Variants in PTK2 observed in about 807,000 individuals in gnomAD.
PTK2 encodes protein tyrosine kinase 2.
Under a neutral mutation model 150.1 loss-of-function variants are expected in PTK2, and 45 were observed. The ratio of observed to expected loss-of-function variants is 0.30; its 90% CI spans 0.24 to 0.38. The LOEUF (loss-of-function observed/expected upper bound fraction) is 0.38, where lower values mean the gene tolerates loss of function less well. PTK2 is among the 10% of genes least tolerant of loss of function. PTK2 has a pLI of 1.00. For missense variants in PTK2, 919 were observed against 1,307.3 expected, an observed-to-expected ratio of 0.70 and a Z score of 4.58; for synonymous variants, 432 against 449.2, an observed-to-expected ratio of 0.96 and a Z score of 0.48.
chr8:140,666,866 C>G (rs2092335842), intron 30 of PTK2, among the ~76,000 whole-genome samples: 1 of 152,186 alleles, frequency 6.6e-6, no homozygotes, highest in African/African-American at 2.4e-5. Flanking sequence ...GGAAGCAACC[C>G]AAGTACCCTG....
intron 3 of PTK2, among the ~76,000 whole-genome samples, chr8:140,880,697 G>A (rs1198327139): frequency 6.6e-6 from 1 of 152,148 alleles, no homozygotes; most frequent in Non-Finnish European, 1.5e-5. Flanking sequence ...ATCAAGTATT[G>A]CTTTATTACA....
chr8:140,799,350 G>C (rs1019839349), intron 12 of PTK2: 5 of 152,226 alleles, frequency 3.3e-5, no homozygotes, highest in African/African-American at 7.2e-5. Flanking sequence ...CCTCATCGCT[G>C]TTTAATACAA....
At chr8:140,726,239 GACA>G (rs1233567366) in intron 22 of PTK2, among the ~76,000 whole-genome samples, 1 of 152,032 alleles carries the variant, frequency 6.6e-6, no homozygotes, top group East Asian at 1.9e-4. Flanking sequence ...AAGAGAAGGT[GACA>G]ACGAGAGCTT....
chr8:140,681,574 G>A (rs902982127), intron 27 of PTK2, among the ~76,000 whole-genome samples: 5 of 151,860 alleles, frequency 3.3e-5, no homozygotes, highest in African/African-American at 7.3e-5. Flanking sequence ...TCAGGAGATC[G>A]AGACCATCCC....
chr8:140,951,007 C>T (rs892259053), intron 1 of PTK2, among the ~76,000 whole-genome samples: 3 of 151,904 alleles, frequency 2.0e-5, no homozygotes, highest in Admixed American at 6.6e-5. Context: ...CTCCCAGAAC[C>T]TCAGAGTCCA....
intron 1 of PTK2, among the ~76,000 whole-genome samples, chr8:140,957,907 G>A (rs534727020): frequency 1.3e-4 from 20 of 152,184 alleles, no homozygotes; most frequent in Admixed American, 8.5e-4. Context: ...ATTTCCTGTC[G>A]TTAAGCAACT....
intron 1 of PTK2, among the ~76,000 whole-genome samples, chr8:140,987,542 TAAG>T (rs967514036): frequency 1.9e-4 from 29 of 152,178 alleles, no homozygotes; most frequent in Non-Finnish European, 3.7e-4. Flanking sequence ...AATAACCATA[TAAG>T]AAGATGCTCA....
intron 28 of PTK2, among the ~76,000 whole-genome samples, chr8:140,674,694 G>A (rs552739137): frequency 1.1e-4 from 16 of 149,462 alleles, no homozygotes; most frequent in African/African-American, 2.5e-4. Context: ...AGTTGAGATC[G>A]TGCCATTGCA....
Position 140,697,145 on chromosome 8 carries a change from A to G in PTK2, c.2499+3746T>C, listed in dbSNP as rs868468172. On this transcript the variant is annotated intron_variant, in intron 26 of 31. Transcript: ENST00000522684. ...TGAGACCCTGTTTCCGGGAAAAAAAAAAAAAAAAAAAAAAAAAGGAAAGGT... is the reference window on the plus strand; with the variant it reads ...TGAGACCCTGTTTCCGGGAAAAAAAGAAAAAAAAAAAAAAAAAGGAAAGGT... Among the ~76,000 whole-genome samples the G allele has an allele frequency of 1.8e-3, 275 of 148,714 alleles. 3 individuals carry two copies. The highest frequency in any genetic ancestry group is 6.6e-3 in the African/African-American group (270 of 40,826).
chr8:140,769,358 T>C (rs896742580), intron 14 of PTK2, among the ~76,000 whole-genome samples: 17 of 152,228 alleles, frequency 1.1e-4, no homozygotes, highest in African/African-American at 3.6e-4. Flanking sequence ...TAGGAATACA[T>C]ACAACTCAAA....
intron 1 of PTK2, among the ~76,000 whole-genome samples, chr8:140,951,201 T>C (rs1165470149): frequency 5.3e-5 from 8 of 152,162 alleles, no homozygotes; most frequent in Non-Finnish European, 1.5e-5. Flanking sequence ...AAACTTTCCT[T>C]TGCTTGCCTA....
chr8:140,999,768 G>A (rs2100199266), intron 1 of PTK2, among the ~76,000 whole-genome samples: 1 of 152,006 alleles, frequency 6.6e-6, no homozygotes, highest in Non-Finnish European at 1.5e-5. Context: ...TGAGGCTCTG[G>A]TATTTCATTT....
chr8:141,000,324 A>G (rs2100199621), intron 1 of PTK2, among the ~76,000 whole-genome samples: 1 of 152,158 alleles, frequency 6.6e-6, no homozygotes, highest in Non-Finnish European at 1.5e-5. Context: ...ACGGGGCTCT[A>G]CCAAACTTGA....
At chr8:140,775,464 A>C (rs2100077873) in intron 14 of PTK2, among the ~76,000 whole-genome samples, 1 of 152,046 alleles carries the variant, frequency 6.6e-6, no homozygotes, top group East Asian at 1.9e-4. Context: ...CAGTCTGGAC[A>C]ACGGAGTGAG....
intron 30 of PTK2, among the ~76,000 whole-genome samples, chr8:140,665,720 G>A (rs751574465): frequency 6.6e-6 from 1 of 151,946 alleles, no homozygotes; most frequent in Non-Finnish European, 1.5e-5. Flanking sequence ...ACTTATAATT[G>A]GATCAACATA....
At chr8:140,801,858 T>G (rs1041766937) in intron 11 of PTK2, among the ~76,000 whole-genome samples, 9 of 152,154 alleles carry the variant, frequency 5.9e-5, no homozygotes, top group Non-Finnish European at 1.0e-4. Flanking sequence ...ATAAGATTTA[T>G]ATAATAGAGC....
exon 17 of PTK2, chr8:140,752,277 T>G (rs2100063188): frequency 6.2e-7 from 1 of 1,613,976 alleles, no homozygotes; most frequent in Admixed American, 1.7e-5. Context: ...GAAGTACAGT[T>G]TTTACATGTT....
At position 140,913,819 on chromosome 8, in the gene PTK2, T is replaced by C. The variant is rs112820163; in HGVS notation, c.-33+11842A>G. Among the ~76,000 whole-genome samples, 858 of 152,140 alleles carry C rather than the reference T, an allele frequency of 5.6e-3. 11 individuals are homozygous for C. Among genetic ancestry groups the C allele is most frequent in the African/African-American group, 0.019 (786 of 41,494 alleles). On this transcript the variant is annotated intron_variant, in intron 2 of 31. Coordinates refer to ENST00000522684, the Ensembl canonical transcript of PTK2. ...TGCCCCAATATTTAAAAAAGGAAAA[T>C]ATATTAATTCAACTTATAAACTGCT...
intron 8 of PTK2, among the ~76,000 whole-genome samples, chr8:140,823,668 C>G (rs2100110191): frequency 6.6e-6 from 1 of 152,160 alleles, no homozygotes; most frequent in South Asian, 2.1e-4. Flanking sequence ...CTTTCCTATA[C>G]CCCTTCCCTT....
Sources: allele counts gnomAD v4.1 joint callset (sites outside exome capture counted in the v4.1 genomes callset), GRCh38; gene constraint gnomAD v4.1.1; transcripts MANE v1.5; gene names NCBI Gene and HGNC (gene_info 2026-07-23, HGNC 2026-07-21).